Variants in IST1 observed in about 807,000 individuals in gnomAD.
IST1 encodes IST1 homolog.
A neutral mutation model predicts 37.0 loss-of-function variants in IST1; 23 were observed. The observed-to-expected ratio is 0.62, with a 90% CI of 0.45 to 0.88. The LOEUF is 0.88. Among genes scored for constraint, IST1 ranks in the 40% least tolerant of loss-of-function variants. IST1 has a pLI of 0.00. For synonymous variants in IST1, 180 were observed against 161.7 expected (o/e 1.11, Z -0.86); for missense variants, 488 against 445.4 (o/e 1.10, Z -0.86).
chr16:71,911,046 C>T (rs1026390246), intron 1 of IST1, among the ~76,000 whole-genome samples: 2 of 151,908 alleles, frequency 1.3e-5, no homozygotes, highest in African/African-American at 4.8e-5. Flanking sequence ...TCAAGACCAG[C>T]GTGTCCAACA....
chr16:71,895,958 G>C (rs1219977776), intron 1 of IST1, among the ~76,000 whole-genome samples: 2 of 152,240 alleles, frequency 1.3e-5, no homozygotes, highest in Non-Finnish European at 2.9e-5. Flanking sequence ...CCCCTACCCC[G>C]TCTTTTCTGG....
intron 1 of IST1, among the ~76,000 whole-genome samples, chr16:71,898,946 C>G (rs955468328): frequency 1.5e-5 from 2 of 137,858 alleles, no homozygotes; most frequent in South Asian, 2.3e-4. Flanking sequence ...GCCTGGGCAG[C>G]AGAGCAAGCC....
At chr16:71,905,656 A>C (rs568059248) in intron 1 of IST1, among the ~76,000 whole-genome samples, 2 of 152,326 alleles carry the variant, frequency 1.3e-5, no homozygotes, top group African/African-American at 4.8e-5. Flanking sequence ...CTGGGATTAC[A>C]GGCGTGAGCC....
At chr16:71,899,172 C>G (rs1032180658) in intron 1 of IST1, among the ~76,000 whole-genome samples, 13 of 152,024 alleles carry the variant, frequency 8.6e-5, no homozygotes, top group African/African-American at 3.1e-4. Flanking sequence ...TGCTGTTGAT[C>G]TTACAGTTTT....
intron 7 of IST1, 102 bp downstream of exon 7, chr16:71,922,782 G>C (rs2037637824): frequency 1.1e-6 from 1 of 942,938 alleles, no homozygotes; most frequent in South Asian, 1.5e-5. Context: ...GGAGCCATTA[G>C]CAGTAAGAAC....
chr16:71,914,795 T>C (rs2037433573), intron 1 of IST1, among the ~76,000 whole-genome samples: 1 of 152,230 alleles, frequency 6.6e-6, no homozygotes, highest in African/African-American at 2.4e-5. Context: ...TTGACCTATC[T>C]TTTGTTTGGA....
Position 71,912,262 on chromosome 16 carries a change from G to C in IST1, c.-15-3364G>C, listed in dbSNP as rs533891721. ...TTATAAAAATTTTTTTTTTGAGACG[G>C]AATCTCGCTCTGTCACTCAGGCTGG... On this transcript the variant is annotated intron_variant, in intron 1 of 9. Transcript: ENST00000378799. Among the ~76,000 whole-genome samples the C allele has an allele frequency of 2.0e-5, 3 of 152,000 alleles. No homozygotes were observed. In the South Asian group the frequency reaches 6.2e-4, roughly 32 times the overall value.
Position 71,929,950 on chromosome 16 carries a change from A to G in IST1, c.*2137A>G. 1.5e-6 allele frequency: 2 copies of G among 1,317,446 alleles called. No homozygotes were observed. Among genetic ancestry groups the G allele is most frequent in the Non-Finnish European group, 2.0e-6 (2 of 976,570 alleles). 81.6% of individuals were successfully genotyped at this position (1,317,446 alleles called of 1,614,324 possible). A position where few individuals can be genotyped will look rare whatever the true frequency, so the allele number is the denominator to read the frequency against. On this transcript the variant is annotated 3_prime_UTR_variant, in exon 10 of 10. Transcript: ENST00000378799. ...TTGAAACTAATAAAGGGAATATGAT[A>G]CTGTGCATTATAAATTATGTCAGCC... is the stretch of plus-strand genomic sequence containing the variant.
chr16:71,925,976 G>A (rs1245273160), intron 9 of IST1, among the ~76,000 whole-genome samples: 1 of 151,666 alleles, frequency 6.6e-6, no homozygotes, highest in African/African-American at 2.4e-5. Flanking sequence ...AAAAACCAGA[G>A]GGAAGAATAC....
chr16:71,918,543 A>G (rs995092072), intron 4 of IST1, among the ~76,000 whole-genome samples: 3 of 150,334 alleles, frequency 2.0e-5, no homozygotes, highest in African/African-American at 7.4e-5. Flanking sequence ...CATCGTCCTT[A>G]GTAGCTGGGA....
rs2037814697 is a variant in IST1 at position 71,928,768 on chromosome 16, G to A, written c.*955G>A. The A allele has an allele frequency of 6.6e-6, 1 of 152,234 alleles. No individual in the cohort carries two copies. The highest frequency in any genetic ancestry group is 6.5e-5 in the Admixed American group (1 of 15,288). 9.4% of individuals were successfully genotyped at this position (152,234 alleles called of 1,614,324 possible). On this transcript the variant is annotated 3_prime_UTR_variant, in exon 10 of 10. Coordinates refer to ENST00000378799, the MANE Select transcript of IST1 (RefSeq NM_001270975.2). ...AAAAATTTTTGGTGCCCATGCAGCT[G>A]TAGTTGTTCACTGCTTTCCTGGATG...
In IST1 at chr16:71,929,763, AAAAATTAGTAAATGT is replaced by A; in HGVS notation, c.*1954_*1968del. On this transcript the variant is annotated 3_prime_UTR_variant, in exon 10 of 10. Coordinates refer to ENST00000378799, the MANE Select transcript of IST1 (RefSeq NM_001270975.2). ...GTAAAAAAAGTACCAAAGATTTTTAAAAAATTAGTAAATGTAAAGATACTATTTCTTTAATAATTT... is the reference window on the plus strand; with the variant it reads ...GTAAAAAAAGTACCAAAGATTTTTAAAAAGATACTATTTCTTTAATAATTT... 2.4e-6 allele frequency: 3 copies of A among 1,256,596 alleles called. No individual in the cohort carries two copies. The highest frequency in any genetic ancestry group is 3.3e-6 in the Non-Finnish European group (3 of 920,016). 77.8% of individuals were successfully genotyped at this position (1,256,596 alleles called of 1,614,324 possible).
intron 1 of IST1, among the ~76,000 whole-genome samples, chr16:71,913,842 C>G (rs2037410881): frequency 6.6e-6 from 1 of 152,004 alleles, no homozygotes; most frequent in Admixed American, 6.6e-5. Context: ...GAGTTTCACT[C>G]TTGTTGCCCA....
At chr16:71,898,964 CAAAA>C (rs10711796) in intron 1 of IST1, among the ~76,000 whole-genome samples, 12 of 110,276 alleles carry the variant, frequency 1.1e-4, no homozygotes, top group Admixed American at 9.3e-5. Flanking sequence ...GCCTCTATCT[CAAAA>C]AAAAAAAAAA....
chr16:71,919,768 T>G (rs1007376470), intron 4 of IST1, among the ~76,000 whole-genome samples: 1 of 152,206 alleles, frequency 6.6e-6, no homozygotes, highest in Admixed American at 6.5e-5. Context: ...CAGATTTGAT[T>G]CTGCTGTTAG....
chr16:71,898,252 C>A (rs921184547), intron 1 of IST1, among the ~76,000 whole-genome samples: 1 of 150,794 alleles, frequency 6.6e-6, no homozygotes, highest in East Asian at 2.0e-4. Flanking sequence ...TGGTGGGCAC[C>A]TGTAATCCCA....
In IST1 at chr16:71,928,083, C is replaced by T; in HGVS notation, c.*270C>T. ...TGTCAGAGTGATCCCAGGTTTCCTC[C>T]TGGCCCGTCCCATGGTCCCTCCACA... On this transcript the variant is annotated 3_prime_UTR_variant, in exon 10 of 10. Transcript: ENST00000378799. 1 of 428,550 alleles carries T rather than the reference C, an allele frequency of 2.3e-6. No homozygotes were observed. The highest frequency in any genetic ancestry group is 4.3e-6 in the Non-Finnish European group (1 of 230,158). The allele number at this position is 428,550 out of a possible 1,614,324, so 26.5% of individuals were successfully genotyped here.
chr16:71,912,678 G>A (rs1405631744), intron 1 of IST1, among the ~76,000 whole-genome samples: 1 of 152,184 alleles, frequency 6.6e-6, no homozygotes, highest in Non-Finnish European at 1.5e-5. Context: ...TCAGTAGTGT[G>A]TACTCACATC....
At chr16:71,921,133 A>C in intron 5 of IST1, 1 of 598,948 alleles carries the variant, frequency 1.7e-6, no homozygotes, top group Non-Finnish European at 3.0e-6. Context: ...ATCTTTTGCC[A>C]GCATCTGGGT....
Sources: gnomAD v4.1 joint callset for allele counts (sites outside exome capture counted in the v4.1 genomes callset) on GRCh38, gnomAD v4.1.1 for gene constraint, MANE v1.5 for transcripts, NCBI Gene and HGNC (gene_info 2026-07-23, HGNC 2026-07-21) for gene names.